The following CRADD variants were observed in gnomAD, a reference collection of about 807,000 sequenced individuals.
CRADD encodes CARD and death domain containing adaptor protein.
A neutral mutation model predicts 15.5 loss-of-function variants in CRADD; 9 were observed. That is an observed-to-expected ratio of 0.58 (90% CI 0.35 to 1.01). The LOEUF (loss-of-function observed/expected upper bound fraction) is 1.01. Among genes scored for constraint, CRADD ranks in the 50% least tolerant of loss-of-function variants. The pLI is 0.02. For synonymous variants in CRADD, 118 were observed against 107.6 expected, an observed-to-expected ratio of 1.10 and a Z score of -0.60; for missense variants, 227 against 250.3, an observed-to-expected ratio of 0.91 and a Z score of 0.63.
At chr12:93,722,733 ACTAT>A (rs1167852951) in intron 2 of CRADD, among the ~76,000 whole-genome samples, 1 of 152,028 alleles carries the variant, frequency 6.6e-6, no homozygotes, top group Non-Finnish European at 1.5e-5. Context: ...TTGCATGCTG[ACTAT>A]CTATTAGAGC....
chr12:93,860,165 G>T (rs1225856082), intron 2 of CRADD, among the ~76,000 whole-genome samples: 1 of 151,998 alleles, frequency 6.6e-6, no homozygotes, highest in Non-Finnish European at 1.5e-5. Flanking sequence ...TAAGGTTTAG[G>T]TATAAGATAT....
At chr12:93,859,090 T>C (rs1361512607) in intron 2 of CRADD, among the ~76,000 whole-genome samples, 7 of 152,206 alleles carry the variant, frequency 4.6e-5, no homozygotes, top group African/African-American at 1.7e-4. Context: ...AAAGTGCAAA[T>C]GAAACCTGTC....
intron 2 of CRADD, among the ~76,000 whole-genome samples, chr12:93,887,005 T>C (rs924327986): frequency 5.9e-5 from 9 of 152,326 alleles, no homozygotes; most frequent in Admixed American, 1.3e-4. Context: ...TTCAAGGAAG[T>C]TAGGTGGGTT....
intron 2 of CRADD, among the ~76,000 whole-genome samples, chr12:93,727,529 C>T (rs1053679781): frequency 2.0e-5 from 3 of 152,120 alleles, no homozygotes; most frequent in African/African-American, 7.2e-5. Flanking sequence ...ACATGATGTC[C>T]CTGTGAAGTA....
Position 93,678,995 on chromosome 12 carries a change from A to T in CRADD, c.221A>T (p.Asp74Val), listed in dbSNP as rs757453858. The change falls in exon 2 of 3, where the codon GAT becomes GTT. Residue 74 changes from aspartate (D) to valine (V), a missense_variant. By Grantham distance (152) the Asp-to-Val change is radical (BLOSUM62 -3). Transcript: ENST00000332896. Reference sequence around the variant, plus strand: ...CCTAAAGCATTTGATACATTCCTAGATTCCCTACAGGAGTTTCCCTGGGTC... The same window carrying T: ...CCTAAAGCATTTGATACATTCCTAGTTTCCCTACAGGAGTTTCCCTGGGTC... The part of the protein sequence containing the change: ...RGPKAFDTFL[D>V]SLQEFPWVRE... 3 of 1,614,002 alleles carry T rather than the reference A, an allele frequency of 1.9e-6. No individual in the cohort carries two copies. The East Asian group carries it at 6.7e-5, about 36-fold the overall frequency.
At chr12:93,830,117 C>G (rs5003801) in intron 2 of CRADD, among the ~76,000 whole-genome samples, 7,622 of 152,188 alleles carry the variant, frequency 0.05, 636 homozygotes, top group African/African-American at 0.17. Context: ...ATGTGGAGCT[C>G]AGGCGTGGCA....
At chr12:93,790,525 C>T (rs1020388593) in intron 2 of CRADD, among the ~76,000 whole-genome samples, 6 of 150,774 alleles carry the variant, frequency 4.0e-5, no homozygotes, top group Admixed American at 3.3e-4. Context: ...TGTATATTTT[C>T]GCTGGTCTCA....
intron 2 of CRADD, among the ~76,000 whole-genome samples, chr12:93,839,192 T>C (rs540629906): frequency 2.1e-4 from 32 of 152,330 alleles, no homozygotes; most frequent in Admixed American, 4.6e-4. Flanking sequence ...TGTGCTGTTT[T>C]GTATTTCTAT....
chr12:93,877,090 A>G (rs1317231891), intron 2 of CRADD, among the ~76,000 whole-genome samples: 2 of 152,216 alleles, frequency 1.3e-5, no homozygotes. Flanking sequence ...CTTGATGGCC[A>G]TGGGACAAGA....
Position 93,750,564 on chromosome 12 carries a change from A to C in CRADD, c.298+71492A>C, listed in dbSNP as rs555705846. Among the ~76,000 whole-genome samples, 715 of 152,244 alleles carry C rather than the reference A, an allele frequency of 4.7e-3. 5 individuals are homozygous for C. The highest frequency in any genetic ancestry group is 7.4e-3 in the Non-Finnish European group (506 of 68,010). ...AAAATTCTAAATTACATACAAAAAA[A>C]CCTACATTTTGTATGTAATTTAGAA... is the stretch of plus-strand genomic sequence containing the variant. On this transcript the variant is annotated intron_variant, in intron 2 of 2. Transcript: ENST00000332896.
rs189573232 is a variant in CRADD at position 93,744,822 on chromosome 12, A to G, written c.298+65750A>G. 2.8e-3 allele frequency among the ~76,000 whole-genome samples: 428 copies of G among 152,364 alleles called. 3 individuals carry two copies. The highest frequency in any genetic ancestry group is 8.8e-3 in the African/African-American group (365 of 41,586). Reference sequence around the variant, plus strand: ...TAAGTAGTTGTTGCTTTTAAAACCCAAAGTTTTTCTACCTTGCAAAATCTT... The same window carrying G: ...TAAGTAGTTGTTGCTTTTAAAACCCGAAGTTTTTCTACCTTGCAAAATCTT... On this transcript the variant is annotated intron_variant, in intron 2 of 2. Coordinates refer to ENST00000332896, the MANE Select transcript of CRADD (RefSeq NM_003805.5).
At chr12:93,763,706 G>A (rs1018247133) in intron 2 of CRADD, among the ~76,000 whole-genome samples, 2 of 151,642 alleles carry the variant, frequency 1.3e-5, no homozygotes, top group Admixed American at 1.3e-4. Context: ...CTTGCTTTTT[G>A]CAGAGGCAAC....
chr12:93,834,452 A>C (rs768488430), intron 2 of CRADD, among the ~76,000 whole-genome samples: 1 of 152,086 alleles, frequency 6.6e-6, no homozygotes, highest in Non-Finnish European at 1.5e-5. Context: ...ATATAGTTGA[A>C]GTATATAATG....
At chr12:93,865,807 G>A (rs778030894) in intron 2 of CRADD, among the ~76,000 whole-genome samples, 1 of 136,824 alleles carries the variant, frequency 7.3e-6, no homozygotes, top group African/African-American at 2.8e-5. Flanking sequence ...TTGTATTATT[G>A]TTATTGTTGT....
intron 2 of CRADD, among the ~76,000 whole-genome samples, chr12:93,811,146 G>T (rs1957622152): frequency 6.6e-6 from 1 of 152,160 alleles, no homozygotes; most frequent in South Asian, 2.1e-4. Context: ...GTTAGTGTTT[G>T]CATTACTGAC....
At chr12:93,816,847 T>A (rs1425341218) in intron 2 of CRADD, among the ~76,000 whole-genome samples, 1 of 152,032 alleles carries the variant, frequency 6.6e-6, no homozygotes, top group Non-Finnish European at 1.5e-5. Flanking sequence ...TGCACTAGAG[T>A]CATAGGCTTA....
chr12:93,685,558 A>G (rs547859291), intron 2 of CRADD, among the ~76,000 whole-genome samples: 1 of 152,350 alleles, frequency 6.6e-6, no homozygotes, highest in East Asian at 1.9e-4. Context: ...AATATATACA[A>G]TTTTTATGTA....
At chr12:93,833,563 C>G (rs376411515) in intron 2 of CRADD, among the ~76,000 whole-genome samples, 63 of 152,180 alleles carry the variant, frequency 4.1e-4, no homozygotes, top group African/African-American at 1.4e-3. Flanking sequence ...CCAGGCTAGT[C>G]TTGAACTCCT....
intron 2 of CRADD, among the ~76,000 whole-genome samples, chr12:93,840,872 C>G (rs1364491491): frequency 6.6e-6 from 1 of 152,160 alleles, no homozygotes; most frequent in Non-Finnish European, 1.5e-5. Context: ...ACGTCCAATA[C>G]TGTATTCCAC....
Sources: gnomAD v4.1 joint callset for allele counts (sites outside exome capture counted in the v4.1 genomes callset) on GRCh38, gnomAD v4.1.1 for gene constraint, MANE v1.5 for transcripts, NCBI Gene and HGNC (gene_info 2026-07-23, HGNC 2026-07-21) for gene names.